The following CSGALNACT1 variants were observed in gnomAD, a reference collection of about 807,000 sequenced individuals.
The protein encoded by CSGALNACT1 is beta4GalNAcT-1.
In CSGALNACT1, 52 loss-of-function variants were observed where a neutral mutation model predicts 51.0. The observed-to-expected ratio is 1.02, with a 90% CI of 0.82 to 1.29. CSGALNACT1 has a LOEUF of 1.29. Among genes scored for constraint, CSGALNACT1 ranks in the 50% most tolerant of loss-of-function variants. The pLI, the probability that CSGALNACT1 is intolerant of heterozygous loss-of-function variation, is 0.00. For missense variants in CSGALNACT1, 935 were observed against 679.2 expected, an observed-to-expected ratio of 1.38 and a Z score of -4.19; for synonymous variants, 341 against 254.4, an observed-to-expected ratio of 1.34 and a Z score of -3.24.
intron 3 of CSGALNACT1, among the ~76,000 whole-genome samples, chr8:19,538,470 G>A (rs1421446091): frequency 6.6e-6 from 1 of 152,206 alleles, no homozygotes; most frequent in Non-Finnish European, 1.5e-5. Context: ...AAAGATACTT[G>A]TAATTGGAAT....
chr8:19,443,056 C>G (rs1258210281), intron 5 of CSGALNACT1, among the ~76,000 whole-genome samples: 4 of 152,146 alleles, frequency 2.6e-5, no homozygotes. Context: ...AGCTTTCTGA[C>G]AAAACCACCA....
chr8:19,542,562 C>T (rs1196273932), intron 3 of CSGALNACT1, among the ~76,000 whole-genome samples: 1 of 152,052 alleles, frequency 6.6e-6, no homozygotes, highest in Non-Finnish European at 1.5e-5. Context: ...CTGAGAAATC[C>T]TAATGGAGTT....
intron 7 of CSGALNACT1, among the ~76,000 whole-genome samples, chr8:19,419,708 T>C (rs1381415541): frequency 6.6e-6 from 1 of 152,310 alleles, no homozygotes; most frequent in Admixed American, 6.5e-5. Flanking sequence ...GGAATGTTCA[T>C]GAAAGCTGAC....
At chr8:19,528,872 A>T (rs2082217685) in intron 3 of CSGALNACT1, among the ~76,000 whole-genome samples, 1 of 152,202 alleles carries the variant, frequency 6.6e-6, no homozygotes, top group Non-Finnish European at 1.5e-5. Flanking sequence ...CCCAAACGCT[A>T]AGGCTAGGAT....
chr8:19,582,311 C>G (rs941492387), intron 3 of CSGALNACT1, among the ~76,000 whole-genome samples: 1 of 152,288 alleles, frequency 6.6e-6, no homozygotes, highest in Non-Finnish European at 1.5e-5. Context: ...AAAAATAAAT[C>G]AACACTTCCA....
chr8:19,565,440 G>T (rs915159883), intron 3 of CSGALNACT1, among the ~76,000 whole-genome samples: 1 of 152,088 alleles, frequency 6.6e-6, no homozygotes, highest in African/African-American at 2.4e-5. Flanking sequence ...TAAATCTCTT[G>T]ACCTATATTT....
intron 6 of CSGALNACT1, among the ~76,000 whole-genome samples, chr8:19,422,326 G>C (rs934576021): frequency 1.5e-4 from 23 of 152,174 alleles, no homozygotes; most frequent in African/African-American, 4.8e-4. Flanking sequence ...CCAAGTAGCT[G>C]GGACTACAAG....
intron 1 of CSGALNACT1, among the ~76,000 whole-genome samples, chr8:19,677,177 C>G (rs911793157): frequency 6.6e-6 from 1 of 152,060 alleles, no homozygotes; most frequent in East Asian, 1.9e-4. Context: ...CTTATAATCT[C>G]TACTCACTGC....
chr8:19,741,239 A>G (rs1218457654), intron 1 of CSGALNACT1, among the ~76,000 whole-genome samples: 1 of 152,156 alleles, frequency 6.6e-6, no homozygotes, highest in African/African-American at 2.4e-5. Context: ...AGCTCCCTAT[A>G]GTAGGAAAAG....
chr8:19,752,787 C>CT (rs2065121816), intron 1 of CSGALNACT1, among the ~76,000 whole-genome samples: 1 of 152,158 alleles, frequency 6.6e-6, no homozygotes, highest in African/African-American at 2.4e-5. Context: ...TCCAGGGTAA[C>CT]TGAATGTTAT....
intron 5 of CSGALNACT1, among the ~76,000 whole-genome samples, chr8:19,447,022 G>A (rs4922029): frequency 0.38 from 58,464 of 152,002 alleles, 12,456 homozygotes; most frequent in East Asian, 0.85. Flanking sequence ...CTATATTTCT[G>A]TTTCCCAAGA....
At chr8:19,718,184 C>T (rs1328886383) in intron 1 of CSGALNACT1, among the ~76,000 whole-genome samples, 5 of 152,224 alleles carry the variant, frequency 3.3e-5, no homozygotes, top group Non-Finnish European at 7.3e-5. Context: ...CCTCTACCTC[C>T]CAGGTTCAAG....
At chr8:19,559,108 C>T (rs554228265) in intron 3 of CSGALNACT1, among the ~76,000 whole-genome samples, 1 of 152,176 alleles carries the variant, frequency 6.6e-6, no homozygotes, top group Admixed American at 6.5e-5. Flanking sequence ...CATTTCAATG[C>T]TCTATTTTAA....
intron 1 of CSGALNACT1, among the ~76,000 whole-genome samples, chr8:19,621,501 C>T (rs1018674864): frequency 1.3e-5 from 2 of 152,064 alleles, no homozygotes; most frequent in Non-Finnish European, 2.9e-5. Context: ...GAAATAATGT[C>T]CAGGCACAGT....
intron 3 of CSGALNACT1, among the ~76,000 whole-genome samples, chr8:19,528,050 C>T (rs1042282756): frequency 2.0e-5 from 3 of 152,096 alleles, no homozygotes; most frequent in African/African-American, 7.2e-5. Context: ...TGCAAAGCAG[C>T]TGGAGAAGGA....
At chr8:19,493,901 C>T (rs2074936001) in intron 4 of CSGALNACT1, among the ~76,000 whole-genome samples, 1 of 142,480 alleles carries the variant, frequency 7.0e-6, no homozygotes, top group Non-Finnish European at 1.5e-5. Flanking sequence ...CACACACACA[C>T]ACACATCTAG....
chr8:19,672,110 C>T (rs1300238945), intron 1 of CSGALNACT1, among the ~76,000 whole-genome samples: 1 of 152,170 alleles, frequency 6.6e-6, no homozygotes, highest in Non-Finnish European at 1.5e-5. Context: ...GCATCAGTAT[C>T]TTAAAGCAAT....
chr8:19,656,591 G>GCC (rs750379318), intron 1 of CSGALNACT1, among the ~76,000 whole-genome samples: 8 of 83,794 alleles, frequency 9.5e-5, no homozygotes, highest in African/African-American at 3.4e-4. Flanking sequence ...GAGAAACTAC[G>GCC]CCCCCCCCCC....
At chr8:19,626,313 C>A (rs1220013982) in intron 1 of CSGALNACT1, among the ~76,000 whole-genome samples, 1 of 151,902 alleles carries the variant, frequency 6.6e-6, no homozygotes, top group East Asian at 1.9e-4. Flanking sequence ...ATTTAAAAAG[C>A]AACTGAATGG....
Sources: allele counts gnomAD v4.1 joint callset (sites outside exome capture counted in the v4.1 genomes callset), GRCh38; gene constraint gnomAD v4.1.1; transcripts MANE v1.5; gene names NCBI Gene and HGNC (gene_info 2026-07-23, HGNC 2026-07-21).